The following FRMPD4 variants were observed in gnomAD, a reference collection of about 807,000 sequenced individuals.
FRMPD4 encodes FERM and PDZ domain-containing protein 4.
Under a neutral mutation model 94.1 loss-of-function variants are expected in FRMPD4, and 22 were observed. That is an observed-to-expected ratio of 0.23 (90% CI 0.17 to 0.33). FRMPD4 has a LOEUF of 0.33. FRMPD4 is among the 10% of genes least tolerant of loss of function. FRMPD4 has a pLI of 1.00. For missense variants in FRMPD4, 1,111 were observed against 1,339.9 expected (o/e 0.83, Z 2.67); for synonymous variants, 631 against 548.6 (o/e 1.15, Z -2.10).
chrX:12,337,308 T>G (rs1393336516), intron 1 of FRMPD4, among the ~76,000 whole-genome samples: 3 of 112,042 alleles, frequency 2.7e-5, no homozygotes, highest in Non-Finnish European at 5.6e-5. Flanking sequence ...ATATCATTAC[T>G]GTCATTGTTC....
chrX:12,653,677 T>C (rs2148476935), intron 4 of FRMPD4, among the ~76,000 whole-genome samples: 1 of 109,604 alleles, frequency 9.1e-6, no homozygotes, highest in African/African-American at 3.3e-5. Context: ...ATTGTTACTG[T>C]CCTCTACTAC....
intron 1 of FRMPD4, among the ~76,000 whole-genome samples, chrX:12,190,782 A>T (rs2147692565): frequency 9.0e-6 from 1 of 110,816 alleles, no homozygotes; most frequent in Admixed American, 9.6e-5. Context: ...AGTAAAATGC[A>T]AAAAAGTTAT....
chrX:12,648,014 T>C (rs1005617554), intron 4 of FRMPD4, among the ~76,000 whole-genome samples: 3 of 111,344 alleles, frequency 2.7e-5, no homozygotes, highest in Admixed American at 9.6e-5. Flanking sequence ...AGTTTTTCTA[T>C]CTCCTCAACT....
chrX:12,611,100 G>A (rs1374817285), intron 3 of FRMPD4, among the ~76,000 whole-genome samples: 5 of 112,379 alleles, frequency 4.4e-5, no homozygotes, highest in South Asian at 7.4e-4. Flanking sequence ...CAGATGTTCC[G>A]CTGTCAACAC....
chrX:12,416,354 C>A (rs771613410), intron 1 of FRMPD4, among the ~76,000 whole-genome samples: 1 of 111,475 alleles, frequency 9.0e-6, no homozygotes, highest in East Asian at 2.8e-4. Context: ...ATGAGCATGC[C>A]CTCACCTGGG....
chrX:12,266,321 A>C (rs950876465), intron 1 of FRMPD4, among the ~76,000 whole-genome samples: 9 of 110,610 alleles, frequency 8.1e-5, no homozygotes, highest in Non-Finnish European at 1.5e-4. Context: ...TGGGTCTGCA[A>C]GGGTCACTGA....
intron 1 of FRMPD4, among the ~76,000 whole-genome samples, chrX:12,478,377 C>T (rs1172709848): frequency 3.6e-5 from 4 of 111,579 alleles, no homozygotes; most frequent in African/African-American, 1.3e-4. Context: ...AGTCCAAGAC[C>T]AGCCTGGAAA....
intron 3 of FRMPD4, among the ~76,000 whole-genome samples, chrX:12,091,565 A>C (rs1194030212): frequency 8.9e-6 from 1 of 112,137 alleles, no homozygotes; most frequent in Non-Finnish European, 1.9e-5. Context: ...ATGCATGCAG[A>C]GGATTTAAGT....
chrX:12,610,663 G>A (rs1163444600), intron 3 of FRMPD4, among the ~76,000 whole-genome samples: 1 of 109,704 alleles, frequency 9.1e-6, no homozygotes, highest in South Asian at 4.0e-4. Context: ...CATGAGAATC[G>A]CTTGAACCCA....
chrX:12,308,400 C>T (rs5935292), intron 1 of FRMPD4, among the ~76,000 whole-genome samples: 39,750 of 110,345 alleles, frequency 0.36, 5,203 homozygotes, highest in Admixed American at 0.53. Flanking sequence ...TTTTCAAAGG[C>T]TACTTGGATT....
rs546132621 is a variant in FRMPD4, at chrX:12,158,077, A to G, written c.41+19065A>G. Reference sequence around the variant, plus strand: ...GAGAGATTTGTTGACAAAAATTGATATTATCATTACCCAAAAATTCCCTTT... The same window carrying G: ...GAGAGATTTGTTGACAAAAATTGATGTTATCATTACCCAAAAATTCCCTTT... On this transcript the variant is annotated intron_variant, in intron 1 of 16. Coordinates refer to ENST00000675598, the MANE Select transcript of FRMPD4 (RefSeq NM_001368397.1). 1.2e-4 allele frequency among the ~76,000 whole-genome samples: 14 copies of G among 112,198 alleles called. No individual in the cohort carries two copies. In the South Asian group the frequency reaches 4.8e-3, roughly 39 times the overall value.
chrX:12,448,444 A>G (rs774565942), intron 1 of FRMPD4, among the ~76,000 whole-genome samples: 1 of 112,423 alleles, frequency 8.9e-6, no homozygotes, highest in East Asian at 2.8e-4. Context: ...CCTGTAAATA[A>G]AAATTGCTAA....
chrX:12,332,431 C>A (rs999310548), intron 1 of FRMPD4, among the ~76,000 whole-genome samples: 1 of 108,819 alleles, frequency 9.2e-6, no homozygotes, highest in Non-Finnish European at 1.9e-5. Flanking sequence ...AGTCAAAATA[C>A]AGAAACTGTA....
At chrX:11,988,623 A>AG (rs1466393370) in intron 3 of FRMPD4, among the ~76,000 whole-genome samples, 1 of 111,825 alleles carries the variant, frequency 8.9e-6, no homozygotes, top group East Asian at 2.8e-4. Context: ...AGTTAAAAAA[A>AG]CTTTAGCACA....
At chrX:12,605,203 A>G (rs1457434326) in intron 2 of FRMPD4, among the ~76,000 whole-genome samples, 4 of 112,014 alleles carry the variant, frequency 3.6e-5, no homozygotes, top group Non-Finnish European at 5.6e-5. Flanking sequence ...TTCTTGTACA[A>G]ACTAGAAAGT....
chrX:12,440,731 AAG>A (rs1389772895), intron 1 of FRMPD4, among the ~76,000 whole-genome samples: 1 of 110,998 alleles, frequency 9.0e-6, no homozygotes, highest in Non-Finnish European at 1.9e-5. Context: ...AGAAATGAAA[AAG>A]AGGGGATCTG....
chrX:12,266,160 A>AAAAAG (rs1569211566), intron 1 of FRMPD4, among the ~76,000 whole-genome samples: 36 of 103,784 alleles, frequency 3.5e-4, no homozygotes, highest in African/African-American at 1.3e-3. Context: ...AAAAAAAAAA[A>AAAAAG]AGAGAAAACA....
At chrX:12,519,585 A>G (rs765125452) in intron 2 of FRMPD4, among the ~76,000 whole-genome samples, 4 of 112,472 alleles carry the variant, frequency 3.6e-5, no homozygotes, top group Non-Finnish European at 7.5e-5. Context: ...TTTGTGCCTC[A>G]TAAAACATGA....
At chrX:12,228,830 TC>T (rs1453177451) in intron 1 of FRMPD4, among the ~76,000 whole-genome samples, 1 of 112,233 alleles carries the variant, frequency 8.9e-6, no homozygotes, top group Non-Finnish European at 1.9e-5. Flanking sequence ...AATGTCTTTT[TC>T]TTGGGCCCAT....
Sources: allele counts gnomAD v4.1 joint callset (sites outside exome capture counted in the v4.1 genomes callset), GRCh38; gene constraint gnomAD v4.1.1; transcripts MANE v1.5; gene names NCBI Gene and HGNC (gene_info 2026-07-23, HGNC 2026-07-21).